Variants in RHOT1 observed in about 807,000 individuals in gnomAD.
RHOT1 encodes the protein mitochondrial Rho GTPase 1.
A neutral mutation model predicts 95.3 loss-of-function variants in RHOT1; 27 were observed. The observed-to-expected ratio is 0.28, with a 90% CI of 0.21 to 0.39. The LOEUF (loss-of-function observed/expected upper bound fraction) is 0.39. RHOT1 is among the 10% of genes least tolerant of loss of function. The probability of loss-of-function intolerance (pLI) is 1.00; values close to 1 mark genes in which losing one functional copy is unlikely to be tolerated. For synonymous variants in RHOT1, 227 were observed against 263.5 expected, an observed-to-expected ratio of 0.86 and a Z score of 1.34; for missense variants, 578 against 786.7, an observed-to-expected ratio of 0.73 and a Z score of 3.17.
intron 18 of RHOT1, chr17:32,208,751 C>T: frequency 6.2e-6 from 1 of 161,606 alleles, no homozygotes. Flanking sequence ...GGGTATGCTT[C>T]AGTTAGGATA....
chr17:32,165,026 A>AAAAAC (rs1002576043), intron 1 of RHOT1, among the ~76,000 whole-genome samples: 1 of 151,654 alleles, frequency 6.6e-6, no homozygotes, highest in Non-Finnish European at 1.5e-5. Context: ...CAAAAAACAA[A>AAAAAC]AAAACAAAAC....
In RHOT1 at chr17:32,211,228, G is replaced by A; in HGVS notation, c.1852G>A (p.Val618Ile). The change falls in exon 19 of 20, where the codon GTT becomes ATT. Residue 618 changes from valine (V) to isoleucine (I), a missense_variant. Val to Ile is a conservative substitution (Grantham distance 29). Around this residue, in one of 4 missense-constraint regions of RHOT1, gnomAD observed 296 missense variants for 338.5 expected, o/e 0.87. Transcript: ENST00000545287. ...QSVKNKIFTA[V>I]LNRHVTQADL... is the part of the protein sequence containing the mutation. The stretch of plus-strand genomic sequence containing the variant: ...TGTAAAGAACAAAATCTTCACTGCA[G>A]TTCTTAACAGGTTCTTAACTTTATT... 2 of 1,606,454 alleles carry A rather than the reference G, an allele frequency of 1.2e-6. No individual in the cohort carries two copies.
chr17:32,172,299 G>T (rs564871293), intron 2 of RHOT1, among the ~76,000 whole-genome samples: 1 of 152,226 alleles, frequency 6.6e-6, no homozygotes, highest in South Asian at 2.1e-4. Context: ...ATATTTTCGT[G>T]TATTATTTGT....
chr17:32,150,493 T>C, intron 1 of RHOT1: 2 of 1,176,680 alleles, frequency 1.7e-6, no homozygotes, highest in Non-Finnish European at 2.5e-6. Flanking sequence ...TGTTAGACTG[T>C]AGTCTTTAAA....
chr17:32,224,575 C>T, intron 19 of RHOT1, 41 bp from the exon 20 acceptor site: 1 of 1,390,840 alleles, frequency 7.2e-7, no homozygotes, highest in Non-Finnish European at 1.0e-6. Flanking sequence ...GGTTTTCATA[C>T]TAATCATGTT....
At chr17:32,183,114 G>T in intron 7 of RHOT1, 57 bp from the exon 8 acceptor site, 1 of 1,377,506 alleles carries the variant, frequency 7.3e-7, no homozygotes, top group East Asian at 2.3e-5. Context: ...TTGATAATTT[G>T]AAAATTGTTT....
At chr17:32,177,628 G>A (rs113516446) in intron 6 of RHOT1, among the ~76,000 whole-genome samples, 1,722 of 151,370 alleles carry the variant, frequency 0.011, 34 homozygotes, top group African/African-American at 0.039. Context: ...GGTGGGAGGC[G>A]CCTGTAGTCC....
At chr17:32,201,493 A>T (rs1463041293) in intron 14 of RHOT1, among the ~76,000 whole-genome samples, 1 of 152,242 alleles carries the variant, frequency 6.6e-6, no homozygotes, top group Non-Finnish European at 1.5e-5. Context: ...AAGTTAAGGA[A>T]CTGATCATTT....
intron 19 of RHOT1, among the ~76,000 whole-genome samples, chr17:32,216,394 A>G (rs2038478122): frequency 6.6e-6 from 1 of 151,618 alleles, no homozygotes; most frequent in Admixed American, 6.6e-5. Flanking sequence ...TGGTTTTAGG[A>G]TTTCTTTCAT....
rs950510139 is a variant in RHOT1 at position 32,221,024 on chromosome 17, G to T, written c.1863-3592G>T. On this transcript the variant is annotated intron_variant, in intron 19 of 19. Coordinates refer to ENST00000545287, the MANE Select transcript of RHOT1 (RefSeq NM_001033566.3). Reference sequence around the variant, plus strand: ...ATATTTTCTATAAGTCATTTTGAAAGAATTATGCTTTTGAATTGTGGAAGA... The same window carrying T: ...ATATTTTCTATAAGTCATTTTGAAATAATTATGCTTTTGAATTGTGGAAGA... 1.1e-5 allele frequency: 11 copies of T among 961,016 alleles called. No individual in the cohort carries two copies. The African/African-American group carries it at 1.6e-4, about 14-fold the overall frequency. The allele number at this position is 961,016 out of a possible 1,614,324, so 59.5% of individuals were successfully genotyped here.
chr17:32,169,601 A>G (rs1362715018), intron 1 of RHOT1, among the ~76,000 whole-genome samples: 1 of 152,226 alleles, frequency 6.6e-6, no homozygotes, highest in Non-Finnish European at 1.5e-5. Context: ...TCGTTTTTGG[A>G]GATAATTTAA....
intron 6 of RHOT1, among the ~76,000 whole-genome samples, chr17:32,181,043 T>C (rs901907282): frequency 6.6e-6 from 1 of 152,200 alleles, no homozygotes; most frequent in Non-Finnish European, 1.5e-5. Flanking sequence ...GAATTTATAT[T>C]TGGGCTATAT....
At chr17:32,175,915 G>GT in intron 4 of RHOT1, 47 bp from the exon 5 acceptor site, 1 of 1,336,454 alleles carries the variant, frequency 7.5e-7, no homozygotes, top group East Asian at 2.4e-5. Context: ...TGCTGTCTAT[G>GT]TTTTTATTAT....
At chr17:32,206,334 T>A (rs1309831589) in intron 16 of RHOT1, among the ~76,000 whole-genome samples, 1 of 150,746 alleles carries the variant, frequency 6.6e-6, no homozygotes, top group Non-Finnish European at 1.5e-5. Context: ...GCCTCCCCAG[T>A]AGCTGGGACT....
chr17:32,190,456 A>G (rs572849938), intron 8 of RHOT1, among the ~76,000 whole-genome samples: 1 of 150,756 alleles, frequency 6.6e-6, no homozygotes, highest in East Asian at 1.9e-4. Context: ...TTCTGTCTCA[A>G]AAAAAAAAGG....
chr17:32,171,715 A>G (rs1258998438), intron 2 of RHOT1, among the ~76,000 whole-genome samples: 1 of 152,064 alleles, frequency 6.6e-6, no homozygotes, highest in Non-Finnish European at 1.5e-5. Flanking sequence ...TCTGCCTGAC[A>G]CTCCCTGGTC....
chr17:32,167,557 G>A (rs527694348), intron 1 of RHOT1, among the ~76,000 whole-genome samples: 1 of 152,242 alleles, frequency 6.6e-6, no homozygotes, highest in South Asian at 2.1e-4. Flanking sequence ...ACCATGCCCG[G>A]CCAGATTGAG....
intron 1 of RHOT1, chr17:32,150,646 C>G (rs1220457512): frequency 9.4e-6 from 15 of 1,592,742 alleles, no homozygotes; most frequent in Non-Finnish European, 1.2e-5. Flanking sequence ...GAAAGAAGAG[C>G]TGGATATCTC....
At chr17:32,142,809 C>T in intron 1 of RHOT1, 80 bp downstream of exon 1, 2 of 1,235,336 alleles carry the variant, frequency 1.6e-6, no homozygotes, top group Non-Finnish European at 1.1e-6. Flanking sequence ...GTCGCCCCTG[C>T]AGCCCCAACC....
Sources: gnomAD v4.1 joint callset for allele counts (sites outside exome capture counted in the v4.1 genomes callset) on GRCh38, gnomAD v4.1.1 for gene constraint, gnomAD v4.1.1 regional missense constraint, MANE v1.5 for transcripts, NCBI Gene and HGNC (gene_info 2026-07-23, HGNC 2026-07-21) for gene names.